CERS6: variants seen among roughly 807,000 people sequenced by gnomAD.
CERS6 encodes the protein ceramide synthase 6.
Under a neutral mutation model 56.8 loss-of-function variants are expected in CERS6, and 26 were observed. The ratio of observed to expected loss-of-function variants is 0.46; its 90% CI spans 0.34 to 0.63. The LOEUF is 0.63. Ranked by LOEUF, CERS6 falls within the 30% of genes least tolerant of loss-of-function variation. CERS6 has a pLI of 0.01. For missense variants in CERS6, 415 were observed against 467.5 expected (o/e 0.89, Z 1.04); for synonymous variants, 164 against 173.3 (o/e 0.95, Z 0.42).
chr2:168,493,041 T>G (rs1387158778), intron 1 of CERS6, among the ~76,000 whole-genome samples: 1 of 152,176 alleles, frequency 6.6e-6, no homozygotes, highest in Non-Finnish European at 1.5e-5. Flanking sequence ...TCTGTCATTC[T>G]TTGCTCTTTC....
Position 168,657,501 on chromosome 2 carries a change from C to T in CERS6, c.465+26459C>T, listed in dbSNP as rs573461292. ...CCGTGGAGCAGGGGGTGGAGCTCGT[C>T]GGGGAGGCTCGGGCCACACAGGAGC... On this transcript the variant is annotated intron_variant, in intron 4 of 9. Transcript: ENST00000305747. 1.3e-4 allele frequency among the ~76,000 whole-genome samples: 20 copies of T among 152,340 alleles called. No individual in the cohort carries two copies. In the East Asian group the frequency reaches 1.4e-3, roughly 10 times the overall value.
intron 1 of CERS6, among the ~76,000 whole-genome samples, chr2:168,545,187 A>C (rs1325384993): frequency 6.6e-6 from 1 of 152,170 alleles, no homozygotes; most frequent in Non-Finnish European, 1.5e-5. Context: ...GTACATATAT[A>C]ATTATAATAA....
intron 3 of CERS6, among the ~76,000 whole-genome samples, chr2:168,601,654 G>T (rs1164285822): frequency 6.6e-6 from 1 of 151,822 alleles, no homozygotes; most frequent in Non-Finnish European, 1.5e-5. Flanking sequence ...GGTTCAAGCA[G>T]TTCTTCTGCC....
chr2:168,571,287 C>G (rs573723570), intron 3 of CERS6, among the ~76,000 whole-genome samples: 1 of 151,900 alleles, frequency 6.6e-6, no homozygotes, highest in Admixed American at 6.6e-5. Context: ...CCTGGCTATT[C>G]GCCTTGCGGT....
chr2:168,513,813 A>G (rs1694838303), intron 1 of CERS6, among the ~76,000 whole-genome samples: 1 of 151,748 alleles, frequency 6.6e-6, no homozygotes, highest in African/African-American at 2.4e-5. Context: ...TTTCCCTTTT[A>G]TTGTTGCTCC....
At chr2:168,458,026 A>C (rs530709087) in intron 1 of CERS6, among the ~76,000 whole-genome samples, 2 of 152,332 alleles carry the variant, frequency 1.3e-5, no homozygotes, top group African/African-American at 4.8e-5. Flanking sequence ...AAAAAGTCAC[A>C]GCAGTGCTGT....
intron 2 of CERS6, among the ~76,000 whole-genome samples, chr2:168,556,001 A>G (rs1287737952): frequency 1.3e-5 from 2 of 152,104 alleles, no homozygotes; most frequent in Admixed American, 6.5e-5. Context: ...AAGATGTACA[A>G]TACAATGTTT....
At chr2:168,507,806 T>C (rs1324937950) in intron 1 of CERS6, among the ~76,000 whole-genome samples, 2 of 152,230 alleles carry the variant, frequency 1.3e-5, no homozygotes, top group Non-Finnish European at 2.9e-5. Flanking sequence ...TTGACATTCT[T>C]TTCTGAGAAA....
At chr2:168,617,976 A>G (rs899335679) in intron 3 of CERS6, among the ~76,000 whole-genome samples, 2 of 152,228 alleles carry the variant, frequency 1.3e-5, no homozygotes, top group Non-Finnish European at 2.9e-5. Context: ...ACATGCAAAA[A>G]TCCTTAACAA....
chr2:168,520,369 T>G (rs1245234551), intron 1 of CERS6, among the ~76,000 whole-genome samples: 1 of 152,120 alleles, frequency 6.6e-6, no homozygotes, highest in African/African-American at 2.4e-5. Context: ...GTTTCTCCCA[T>G]TCTATAGGTT....
At chr2:168,655,590 G>T (rs2390728) in intron 4 of CERS6, among the ~76,000 whole-genome samples, 2,611 of 152,320 alleles carry the variant, frequency 0.017, 106 homozygotes, top group East Asian at 0.16. Context: ...GACCTGGAGG[G>T]CATTATCCTA....
chr2:168,537,223 A>C (rs1183070649), intron 1 of CERS6, among the ~76,000 whole-genome samples: 1 of 152,226 alleles, frequency 6.6e-6, no homozygotes, highest in African/African-American at 2.4e-5. Context: ...GGGCTGATAC[A>C]TAATAGATGC....
chr2:168,676,268 C>T (rs2105345246), intron 4 of CERS6, among the ~76,000 whole-genome samples: 1 of 152,206 alleles, frequency 6.6e-6, no homozygotes, highest in South Asian at 2.1e-4. Context: ...ACTTTTTATA[C>T]ACAGTTAATG....
chr2:168,535,675 T>TTG (rs1237529762), intron 1 of CERS6, among the ~76,000 whole-genome samples: 1 of 150,224 alleles, frequency 6.7e-6, no homozygotes, highest in Non-Finnish European at 1.5e-5. Context: ...ACCAGTTTTT[T>TTG]TTTTTTTTTT....
intron 4 of CERS6, among the ~76,000 whole-genome samples, chr2:168,651,732 G>T (rs1037037740): frequency 2.0e-5 from 3 of 152,140 alleles, no homozygotes; most frequent in Admixed American, 2.0e-4. Flanking sequence ...TTCCCACCAG[G>T]TCCCTCCCTT....
chr2:168,620,143 T>C lies in CERS6; in HGVS notation c.408-10842T>C, dbSNP rs139298287. Among the ~76,000 whole-genome samples, 454 of 151,192 alleles carry C rather than the reference T, an allele frequency of 3.0e-3. 8 individuals are homozygous for C. The Middle Eastern group carries it at 0.046, about 15-fold the overall frequency. On this transcript the variant is annotated intron_variant, in intron 3 of 9. Coordinates refer to ENST00000305747, the MANE Select transcript of CERS6 (RefSeq NM_203463.3). ...GACATTTGCAGCAACCTGGATGAGA[T>C]TGGAGACTATTATTCTAAGTGAAGT...
At chr2:168,620,539 C>T (rs774555900) in intron 3 of CERS6, among the ~76,000 whole-genome samples, 5 of 152,110 alleles carry the variant, frequency 3.3e-5, no homozygotes, top group Non-Finnish European at 7.3e-5. Context: ...ATTCCCCTAA[C>T]AACCTTAAGA....
chr2:168,724,064 C>T (rs1683269169), intron 8 of CERS6, among the ~76,000 whole-genome samples: 1 of 152,172 alleles, frequency 6.6e-6, no homozygotes, highest in African/African-American at 2.4e-5. Flanking sequence ...GCCGCGGACC[C>T]TTGCGGTGAG....
chr2:168,596,555 C>CTTTTT (rs35269601), intron 3 of CERS6, among the ~76,000 whole-genome samples: 2 of 114,836 alleles, frequency 1.7e-5, no homozygotes, highest in Non-Finnish European at 3.4e-5. Context: ...ATCCCCCCCC[C>CTTTTT]TTTTTTTTTT....
Sources: allele counts gnomAD v4.1 joint callset (sites outside exome capture counted in the v4.1 genomes callset), GRCh38; gene constraint gnomAD v4.1.1; transcripts MANE v1.5; gene names NCBI Gene and HGNC (gene_info 2026-07-23, HGNC 2026-07-21).